Variants in ST7 observed in about 807,000 individuals in gnomAD.
ST7 encodes suppression of tumorigenicity 7.
A neutral mutation model predicts 78.7 loss-of-function variants in ST7; 28 were observed. That is an observed-to-expected ratio of 0.36 (90% confidence interval 0.26 to 0.49). ST7 has a LOEUF of 0.49. ST7 is among the 20% of genes least tolerant of loss of function. The pLI is 0.99. For synonymous variants in ST7, 247 were observed against 249.6 expected (o/e 0.99, Z 0.10); for missense variants, 418 against 696.0 (o/e 0.60, Z 4.49).
At position 116,953,600 on chromosome 7, in the gene ST7, G is replaced by C; in HGVS notation, c.60G>C (p.Trp20Cys). The C allele has an allele frequency of 2.0e-6, 3 of 1,506,542 alleles. No individual in the cohort carries two copies. Among genetic ancestry groups the C allele is most frequent in the Non-Finnish European group, 2.7e-6 (3 of 1,115,300 alleles). 93.3% of individuals were successfully genotyped at this position (1,506,542 alleles called of 1,614,324 possible). Residue 20 changes from tryptophan to cysteine, a missense_variant, in exon 1 of 16, where the codon TGG (tryptophan) becomes TGC (cysteine). By Grantham distance (215) the Trp-to-Cys change is radical. Transcript: ENST00000323984. ...TCAAGTCCTGCATAGTTTGGTCTTG[G>C]ACGTATCTGTGGACCGTGTGGTTCT... ...EQLKSCIVWS[W>C]TYLWTVWFFI... is the part of the protein sequence containing the mutation.
intron 1 of ST7, chr7:116,954,006 T>G (rs999697875): frequency 3.3e-5 from 5 of 151,352 alleles, no homozygotes; most frequent in African/African-American, 1.2e-4. Context: ...GAAGAACGGG[T>G]GTCGCGGGCG....
chr7:117,194,448 C>T (rs1445429900), intron 12 of ST7, among the ~76,000 whole-genome samples: 1 of 152,222 alleles, frequency 6.6e-6, no homozygotes, highest in Admixed American at 6.5e-5. Flanking sequence ...GCTTGTTCTT[C>T]TTCATCAGAA....
chr7:117,178,332 A>T (rs541650145), intron 10 of ST7, among the ~76,000 whole-genome samples: 4 of 152,322 alleles, frequency 2.6e-5, no homozygotes, highest in Admixed American at 2.6e-4. Context: ...ATGTTAAAAA[A>T]CAAAAATACA....
At chr7:117,046,147 T>C (rs1434693213) in intron 1 of ST7, among the ~76,000 whole-genome samples, 1 of 152,144 alleles carries the variant, frequency 6.6e-6, no homozygotes, top group Non-Finnish European at 1.5e-5. Context: ...CAGACCCATA[T>C]CTGTCTGTTG....
At chr7:117,169,945 C>T (rs1480853180) in intron 9 of ST7, among the ~76,000 whole-genome samples, 1 of 151,988 alleles carries the variant, frequency 6.6e-6, no homozygotes, top group East Asian at 1.9e-4. Context: ...ATGTAGGCCA[C>T]CAGGCAGAAA....
At chr7:117,191,078 C>A in intron 12 of ST7, 142 bp downstream of exon 12, 1 of 657,400 alleles carries the variant, frequency 1.5e-6, no homozygotes, top group Non-Finnish European at 2.6e-6. Context: ...AATGTATGGG[C>A]ATTAGCCTCA....
Position 117,031,384 on chromosome 7 carries a change from ATG to A in ST7, c.152-68374_152-68373del, listed in dbSNP as rs375550076. Among the ~76,000 whole-genome samples, 6 of 56,098 alleles carry A rather than the reference ATG, an allele frequency of 1.1e-4. 2 individuals are homozygous for A. Among genetic ancestry groups the A allele is most frequent in the Non-Finnish European group, 2.0e-4 (3 of 15,174 alleles). 36.8% of individuals were successfully genotyped at this position (56,098 alleles called of 152,430 possible). On this transcript the variant is annotated intron_variant, in intron 1 of 15. Transcript: ENST00000323984. ...TGTGTGTGTGTATATGTGTGTATAT[ATG>A]TGTATATATGTGCATATATACGCAT...
intron 1 of ST7, among the ~76,000 whole-genome samples, chr7:117,047,284 G>A (rs1797540353): frequency 6.6e-6 from 1 of 152,132 alleles, no homozygotes; most frequent in South Asian, 2.1e-4. Context: ...TAAGCAAAGA[G>A]GATTTAGAAA....
chr7:117,152,405 A>T (rs945149415), intron 9 of ST7, among the ~76,000 whole-genome samples: 1 of 151,384 alleles, frequency 6.6e-6, no homozygotes. Flanking sequence ...GTCTCTGCCA[A>T]CTCCAAATTT....
chr7:117,022,350 T>C (rs2116048105), intron 1 of ST7, among the ~76,000 whole-genome samples: 1 of 152,358 alleles, frequency 6.6e-6, no homozygotes, highest in Non-Finnish European at 1.5e-5. Context: ...GGATATCGTG[T>C]TGAAAATGAA....
chr7:117,187,371 T>A (rs1809362393), intron 10 of ST7, among the ~76,000 whole-genome samples: 1 of 152,168 alleles, frequency 6.6e-6, no homozygotes, highest in South Asian at 2.1e-4. Context: ...TTTAAGCATT[T>A]TTCTTGTGCA....
chr7:117,046,482 C>T (rs1797498260), intron 1 of ST7, among the ~76,000 whole-genome samples: 1 of 152,060 alleles, frequency 6.6e-6, no homozygotes, highest in Non-Finnish European at 1.5e-5. Context: ...TGTGTTACTT[C>T]CATGAAGCCT....
chr7:117,064,445 G>C (rs1798525164), intron 1 of ST7, among the ~76,000 whole-genome samples: 1 of 152,158 alleles, frequency 6.6e-6, no homozygotes, highest in African/African-American at 2.4e-5. Context: ...AAAGTCCCAA[G>C]TGTACCCTTA....
intron 9 of ST7, among the ~76,000 whole-genome samples, chr7:117,148,878 A>G (rs1806019654): frequency 6.6e-6 from 1 of 152,170 alleles, no homozygotes; most frequent in Non-Finnish European, 1.5e-5. Flanking sequence ...TTCTGTGAGC[A>G]GAAGCCAGTG....
intron 2 of ST7, among the ~76,000 whole-genome samples, chr7:117,105,949 C>G (rs1801918081): frequency 6.6e-6 from 1 of 152,002 alleles, no homozygotes; most frequent in African/African-American, 2.4e-5. Context: ...AAAATCGAGA[C>G]TAACAGAAGA....
At chr7:117,149,539 T>G in intron 9 of ST7, among the ~76,000 whole-genome samples, 1 of 151,724 alleles carries the variant, frequency 6.6e-6, no homozygotes, top group East Asian at 1.9e-4. Flanking sequence ...CACCCTCCAA[T>G]TTTTGCTATA....
At chr7:117,208,182 G>T (rs1180538550) in intron 12 of ST7, among the ~76,000 whole-genome samples, 1 of 151,982 alleles carries the variant, frequency 6.6e-6, no homozygotes, top group Non-Finnish European at 1.5e-5. Context: ...TTTTTGTCTT[G>T]CACTGTTTTA....
chr7:117,002,813 C>CTTTTTTTTT lies in ST7; in HGVS notation c.151+49140_151+49148dup, dbSNP rs397970060. ...AGATGCATCTACTGAATTTTTTTTC[C>CTTTTTTTTT]TTTTTTTTTTTTTTTTTTTTTTTTT... On this transcript the variant is annotated intron_variant, in intron 1 of 15. Coordinates refer to ENST00000323984, the MANE Select transcript of ST7 (RefSeq NM_001369598.1). Among the ~76,000 whole-genome samples, 101 of 72,154 alleles carry CTTTTTTTTT rather than the reference C, an allele frequency of 1.4e-3. 1 individual carries two copies. Among genetic ancestry groups the CTTTTTTTTT allele is most frequent in the Non-Finnish European group, 1.8e-3 (75 of 42,298 alleles). 47.3% of individuals were successfully genotyped at this position (72,154 alleles called of 152,430 possible).
At chr7:117,166,896 A>C (rs1354794763) in intron 9 of ST7, among the ~76,000 whole-genome samples, 1 of 151,938 alleles carries the variant, frequency 6.6e-6, no homozygotes, top group African/African-American at 2.4e-5. Context: ...CTCTCAAAAA[A>C]AAAAAAGCCT....
Sources: gnomAD v4.1 joint callset for allele counts (sites outside exome capture counted in the v4.1 genomes callset) on GRCh38, gnomAD v4.1.1 for gene constraint, MANE v1.5 for transcripts, NCBI Gene and HGNC (gene_info 2026-07-23, HGNC 2026-07-21) for gene names.